Variants in CTNNA3 observed in about 807,000 individuals in gnomAD.
The protein encoded by CTNNA3 is catenin alpha 3.
Under a neutral mutation model 95.7 loss-of-function variants are expected in CTNNA3, and 76 were observed. The observed-to-expected ratio is 0.79, with a 90% confidence interval of 0.66 to 0.96. CTNNA3 has a LOEUF of 0.96. Ranked by LOEUF, CTNNA3 falls within the 40% of genes least tolerant of loss-of-function variation. The pLI, the probability that CTNNA3 is intolerant of heterozygous loss-of-function variation, is 0.00. For synonymous variants in CTNNA3, 431 were observed against 374.4 expected (o/e 1.15, Z -1.74); for missense variants, 1,191 against 1,089.8 (o/e 1.09, Z -1.31).
At chr10:67,651,154 AAC>A (rs1315324232) in intron 1 of CTNNA3, among the ~76,000 whole-genome samples, 1 of 152,212 alleles carries the variant, frequency 6.6e-6, no homozygotes, top group African/African-American at 2.4e-5. Context: ...TAACTTTTGT[AAC>A]ACAATTAGTT....
chr10:67,521,115 C>T (rs913780301), intron 5 of CTNNA3, among the ~76,000 whole-genome samples: 5 of 152,176 alleles, frequency 3.3e-5, no homozygotes, highest in African/African-American at 4.8e-5. Flanking sequence ...AGCTTGACAA[C>T]GCTGACACCT....
At chr10:66,805,599 G>C (rs1295221460) in intron 7 of CTNNA3, among the ~76,000 whole-genome samples, 1 of 151,108 alleles carries the variant, frequency 6.6e-6, no homozygotes, top group Non-Finnish European at 1.5e-5. Flanking sequence ...CATAAGGAAG[G>C]ATTTTCTGAG....
chr10:66,688,407 A>C (rs1847380187), intron 9 of CTNNA3, among the ~76,000 whole-genome samples: 1 of 151,818 alleles, frequency 6.6e-6, no homozygotes, highest in African/African-American at 2.4e-5. Flanking sequence ...ATCCCACCGG[A>C]TTTTTGCATG....
chr10:67,042,172 A>G (rs530627122), intron 7 of CTNNA3, among the ~76,000 whole-genome samples: 1 of 152,298 alleles, frequency 6.6e-6, no homozygotes, highest in East Asian at 1.9e-4. Flanking sequence ...TATACATTAA[A>G]AAGAACAAAC....
chr10:66,464,640 G>T (rs1301104532), intron 11 of CTNNA3, among the ~76,000 whole-genome samples: 1 of 151,988 alleles, frequency 6.6e-6, no homozygotes, highest in Non-Finnish European at 1.5e-5. Context: ...GTGCGTGCCT[G>T]TAATTCCAGC....
chr10:66,167,239 T>G (rs750540949), intron 13 of CTNNA3, among the ~76,000 whole-genome samples: 10 of 152,130 alleles, frequency 6.6e-5, no homozygotes, highest in Non-Finnish European at 1.3e-4. Context: ...AATTCCACCT[T>G]TCTGCCAACA....
chr10:67,467,380 T>G (rs918560358), intron 5 of CTNNA3, among the ~76,000 whole-genome samples: 1 of 152,178 alleles, frequency 6.6e-6, no homozygotes, highest in Admixed American at 6.5e-5. Context: ...TAGCCCTACA[T>G]AAGTTTGGAT....
At chr10:66,553,517 C>CTTTTTTTTTTTTTTT (rs753973882) in intron 10 of CTNNA3, among the ~76,000 whole-genome samples, 1 of 52,216 alleles carries the variant, frequency 1.9e-5, no homozygotes, top group Non-Finnish European at 3.1e-5. Context: ...CAATACTTTT[C>CTTTTTTTTTTTTTTT]TTTTTTTTTT....
At chr10:67,251,332 C>G (rs754493780) in intron 5 of CTNNA3, among the ~76,000 whole-genome samples, 3 of 151,978 alleles carry the variant, frequency 2.0e-5, no homozygotes, top group Non-Finnish European at 4.4e-5. Flanking sequence ...GGGTTGGGGG[C>G]AGGAGTGACT....
At chr10:67,208,814 A>G (rs1244245653) in intron 6 of CTNNA3, among the ~76,000 whole-genome samples, 2 of 151,016 alleles carry the variant, frequency 1.3e-5, no homozygotes, top group Non-Finnish European at 1.5e-5. Context: ...TGTATTCCTT[A>G]TGAAATTAAT....
intron 7 of CTNNA3, among the ~76,000 whole-genome samples, chr10:66,829,256 T>A (rs1053838192): frequency 6.6e-6 from 1 of 152,248 alleles, no homozygotes. Context: ...GAATAAAGTT[T>A]AACTCTTTCT....
At chr10:66,857,526 C>A (rs1843729374) in intron 7 of CTNNA3, among the ~76,000 whole-genome samples, 1 of 151,968 alleles carries the variant, frequency 6.6e-6, no homozygotes, top group African/African-American at 2.4e-5. Flanking sequence ...AATATTGATT[C>A]TTCCTATTCA....
chr10:66,496,821 T>A (rs1391663218), intron 11 of CTNNA3, among the ~76,000 whole-genome samples: 2 of 152,198 alleles, frequency 1.3e-5, no homozygotes, highest in East Asian at 3.9e-4. Context: ...AGTGCATTCA[T>A]AACACAGTAT....
intron 7 of CTNNA3, among the ~76,000 whole-genome samples, chr10:66,911,377 T>A (rs543145380): frequency 3.9e-5 from 6 of 152,312 alleles, no homozygotes; most frequent in African/African-American, 1.4e-4. Context: ...ATATCACTAT[T>A]ATAATGCAAA....
intron 14 of CTNNA3, among the ~76,000 whole-genome samples, chr10:66,080,052 T>G (rs2080695492): frequency 6.6e-6 from 1 of 152,120 alleles, no homozygotes; most frequent in Non-Finnish European, 1.5e-5. Context: ...CAGTTTAGTT[T>G]ATGACCTAAA....
At chr10:66,326,227 TG>T in intron 12 of CTNNA3, among the ~76,000 whole-genome samples, 1 of 152,208 alleles carries the variant, frequency 6.6e-6, no homozygotes, top group South Asian at 2.1e-4. Flanking sequence ...ACAGCAGGAA[TG>T]GGTAAAGTGA....
At chr10:66,845,770 C>T (rs1292016404) in intron 7 of CTNNA3, among the ~76,000 whole-genome samples, 1 of 139,606 alleles carries the variant, frequency 7.2e-6, no homozygotes, top group Non-Finnish European at 1.5e-5. Context: ...CACACACACA[C>T]ACACACACAC....
chr10:67,630,001 A>T (rs1374070693), intron 2 of CTNNA3, among the ~76,000 whole-genome samples: 1 of 152,184 alleles, frequency 6.6e-6, no homozygotes, highest in Non-Finnish European at 1.5e-5. Context: ...TAACGGGACC[A>T]ATTCATAATC....
intron 15 of CTNNA3, among the ~76,000 whole-genome samples, chr10:66,027,786 C>A (rs1463067806): frequency 6.6e-6 from 1 of 152,198 alleles, no homozygotes; most frequent in Non-Finnish European, 1.5e-5. Flanking sequence ...CGCCACCCCA[C>A]TCCAATTTCC....
Sources: gnomAD v4.1 joint callset for allele counts (sites outside exome capture counted in the v4.1 genomes callset) on GRCh38, gnomAD v4.1.1 for gene constraint, MANE v1.5 for transcripts, NCBI Gene and HGNC (gene_info 2026-07-23, HGNC 2026-07-21) for gene names.